MARS1: variants seen among roughly 807,000 people sequenced by gnomAD.
The protein encoded by MARS1 is methionyl-tRNA synthetase 1.
In MARS1, 80 loss-of-function variants were observed where a neutral mutation model predicts 119.5. The observed-to-expected ratio is 0.67, with a 90% CI of 0.56 to 0.81. The LOEUF (loss-of-function observed/expected upper bound fraction) is 0.81. Among genes scored for constraint, MARS1 ranks in the 30% least tolerant of loss-of-function variants. MARS1 has a pLI of 0.00. For missense variants in MARS1, 945 were observed against 1,116.5 expected (o/e 0.85, Z 2.19); for synonymous variants, 418 against 433.4 (o/e 0.96, Z 0.44).
chr12:57,489,131 A>AG (rs758077093), intron 2 of MARS1, 22 bp downstream of exon 2: 30 of 1,611,158 alleles, frequency 1.9e-5, no homozygotes, highest in Non-Finnish European at 2.5e-5. Context: ...TCCTTGGTGT[A>AG]GGGAGGTGGC....
At chr12:57,513,766 T>C (rs1263609487) in intron 15 of MARS1, among the ~76,000 whole-genome samples, 1 of 152,090 alleles carries the variant, frequency 6.6e-6, no homozygotes, top group Non-Finnish European at 1.5e-5. Context: ...AGTCACACTC[T>C]CTGAGCCCTG....
chr12:57,488,918 C>CT (rs2139996456), intron 1 of MARS1, 101 bp from the exon 2 acceptor site: 1 of 997,492 alleles, frequency 1.0e-6, no homozygotes, highest in Non-Finnish European at 1.5e-6. Context: ...GCCCATCTTT[C>CT]TTTTTTTACT....
At position 57,515,915 on chromosome 12, in the gene MARS1, T is replaced by C; in HGVS notation, c.2392-5T>C. 3 of 1,612,392 alleles carry C rather than the reference T, an allele frequency of 1.9e-6. No individual in the cohort carries two copies. The highest frequency in any genetic ancestry group is 2.2e-5 in the South Asian group (2 of 90,972). ...GTAGATGATTCTGGAACTCTTTTTTTACAGGTCAGTCCCTTGTTCCAAAAA... is the reference window on the plus strand; with the variant it reads ...GTAGATGATTCTGGAACTCTTTTTTCACAGGTCAGTCCCTTGTTCCAAAAA... On this transcript the variant is annotated splice_region_variant and splice_polypyrimidine_tract_variant and intron_variant, in intron 18 of 20. Transcript: ENST00000262027.
At chr12:57,496,537 G>A (rs1306754117) in intron 7 of MARS1, among the ~76,000 whole-genome samples, 1 of 152,076 alleles carries the variant, frequency 6.6e-6, no homozygotes, top group African/African-American at 2.4e-5. Context: ...CCAGCACTTT[G>A]GGAGGTTGAG....
chr12:57,512,139 G>A, intron 13 of MARS1, 36 bp downstream of exon 13: 6 of 1,607,012 alleles, frequency 3.7e-6, no homozygotes, highest in Non-Finnish European at 5.1e-6. Flanking sequence ...CATGGGGAGG[G>A]TAGGCGGTAG....
Position 57,516,600 on chromosome 12 carries a change from A to C in MARS1, c.*19A>C. On this transcript the variant is annotated 3_prime_UTR_variant, in exon 21 of 21. Coordinates refer to ENST00000262027, the MANE Select transcript of MARS1 (RefSeq NM_004990.4). ...AAAGTAAAAGACCTTGGCTCATAGA[A>C]AGTCACTTTAATAGATAGGGACAGT... 1 of 1,557,164 alleles carries C rather than the reference A, an allele frequency of 6.4e-7. No homozygotes were observed. Among genetic ancestry groups the C allele is most frequent in the Non-Finnish European group, 8.6e-7 (1 of 1,158,776 alleles).
In MARS1 at chr12:57,498,435, C is replaced by T; in HGVS notation, c.903C>T (p.Arg301=). ...ADVFARYSRL[R]QWNTLYLCGT... The stretch of plus-strand genomic sequence containing the variant: ...TCCCTTGCAGGTACTCTCGCCTCCG[C>T]CAGTGGAACACCCTCTATCTGTGTG... Residue 301 remains arginine (R), a synonymous_variant, in exon 9 of 21, where the codon CGC becomes CGT. Coordinates refer to ENST00000262027, the MANE Select transcript of MARS1 (RefSeq NM_004990.4). The T allele has an allele frequency of 6.2e-7, 1 of 1,613,920 alleles. No individual in the cohort carries two copies. Among genetic ancestry groups the T allele is most frequent in the Non-Finnish European group, 8.5e-7 (1 of 1,180,024 alleles).
Position 57,490,740 on chromosome 12 carries a change from CTCTT to C in MARS1, c.770+98_770+101del. 4.0e-6 allele frequency: 3 copies of C among 758,194 alleles called. No individual in the cohort carries two copies. In the East Asian group the frequency reaches 8.7e-5, roughly 22 times the overall value. 47.0% of individuals were successfully genotyped at this position (758,194 alleles called of 1,614,324 possible). ...CCTGCTAGGTCCCGTTTGCTGATCT[CTCTT>C]TAATTTTTCATCCTCTCCTTTTAAT... On this transcript the variant is annotated intron_variant, in intron 7 of 20. Transcript: ENST00000262027.
intron 11 of MARS1, among the ~76,000 whole-genome samples, chr12:57,508,215 G>A (rs1278919339): frequency 2.6e-5 from 4 of 152,194 alleles, no homozygotes; most frequent in Admixed American, 1.3e-4. Flanking sequence ...CATCCCAGAC[G>A]ATGGGTGGCC....
At chr12:57,493,347 ATATATAT>A (rs59488863) in intron 7 of MARS1, among the ~76,000 whole-genome samples, 2,248 of 80,320 alleles carry the variant, frequency 0.028, 19 homozygotes, top group East Asian at 0.048. Context: ...ATGTTATATA[ATATATAT>A]TATATGATAT....
chr12:57,498,059 CAGT>C, intron 7 of MARS1, 95 bp from the exon 8 acceptor site: 1 of 780,038 alleles, frequency 1.3e-6, no homozygotes, highest in Non-Finnish European at 2.3e-6. Flanking sequence ...GAACACATGA[CAGT>C]AGAACAAATC....
intron 7 of MARS1, among the ~76,000 whole-genome samples, chr12:57,493,639 A>T (rs1876272069): frequency 3.2e-5 from 1 of 31,162 alleles, no homozygotes; most frequent in Non-Finnish European, 4.3e-5. Flanking sequence ...ATATATAATT[A>T]ATATATAATA....
intron 10 of MARS1, among the ~76,000 whole-genome samples, chr12:57,501,447 G>A (rs1447321712): frequency 6.6e-6 from 1 of 152,242 alleles, no homozygotes; most frequent in East Asian, 1.9e-4. Flanking sequence ...CACTTTGGGA[G>A]GCCAAGCTGG....
chr12:57,515,975 G>A lies in MARS1; in HGVS notation c.2447G>A (p.Arg816His), dbSNP rs150482634. The stretch of plus-strand genomic sequence containing the variant: ...GACCAGATTGAAAGTTTAAGGCAGC[G>A]CTTTGGAGGGGGCCAGGTGAGAAAG... ...ENDQIESLRQ[R>H]FGGGQAKTSP... The change falls in exon 19 of 21, where the codon CGC (arginine) becomes CAC (histidine). Residue 816 changes from arginine (R) to histidine (H), a missense_variant. Physicochemically the swap from Arg to His is conservative, Grantham distance 29. Transcript: ENST00000262027. The A allele has an allele frequency of 5.3e-5, 85 of 1,614,022 alleles. No individual in the cohort carries two copies. Among genetic ancestry groups the A allele is most frequent in the Non-Finnish European group, 6.7e-5 (79 of 1,180,032 alleles).
intron 11 of MARS1, among the ~76,000 whole-genome samples, chr12:57,507,080 C>CT (rs1305855163): frequency 1.3e-5 from 2 of 150,302 alleles, no homozygotes; most frequent in Admixed American, 6.6e-5. Flanking sequence ...CTTCAAGCAT[C>CT]TGTTTAACAA....
intron 4 of MARS1, 47 bp from the exon 5 acceptor site, chr12:57,489,849 C>CTT: frequency 1.3e-6 from 2 of 1,525,808 alleles, no homozygotes; most frequent in African/African-American, 2.7e-5. Context: ...TGGGAAGAAA[C>CTT]TGAGTGTCTC....
chr12:57,514,569 T>C, intron 15 of MARS1, 151 bp from the exon 16 acceptor site: 1 of 853,872 alleles, frequency 1.2e-6, no homozygotes, highest in South Asian at 1.4e-5. Context: ...TTAGGCCTTG[T>C]CTACTAGCTT....
At chr12:57,499,305 A>T (rs2140018096) in intron 9 of MARS1, among the ~76,000 whole-genome samples, 1 of 147,568 alleles carries the variant, frequency 6.8e-6, no homozygotes, top group East Asian at 2.0e-4. Context: ...AAAAAAAAAA[A>T]AAGGCTGGGG....
chr12:57,498,695 A>T lies in MARS1; in HGVS notation c.1091+72A>T. 3 of 1,449,318 alleles carry T rather than the reference A, an allele frequency of 2.1e-6. No homozygotes were observed. The South Asian group carries it at 3.4e-5, about 17-fold the overall frequency. 89.8% of individuals were successfully genotyped at this position (1,449,318 alleles called of 1,614,324 possible). A position where few individuals can be genotyped will look rare whatever the true frequency, so the allele number is the denominator to read the frequency against. On this transcript the variant is annotated intron_variant, in intron 9 of 20. Transcript: ENST00000262027. ...TGGGAACAGTGGGAGTATCTTGGAGACAGAAGGAACCCGGGTGGCTGTCTG... is the reference window on the plus strand; with the variant it reads ...TGGGAACAGTGGGAGTATCTTGGAGTCAGAAGGAACCCGGGTGGCTGTCTG...
Sources: allele counts gnomAD v4.1 joint callset (sites outside exome capture counted in the v4.1 genomes callset), GRCh38; gene constraint gnomAD v4.1.1; transcripts MANE v1.5; gene names NCBI Gene and HGNC (gene_info 2026-07-23, HGNC 2026-07-21).